The following DGAT1 variants were observed in gnomAD, a reference collection of about 807,000 sequenced individuals.
DGAT1 encodes ACAT related gene product 1.
Under a neutral mutation model 72.6 loss-of-function variants are expected in DGAT1, and 60 were observed. The ratio of observed to expected loss-of-function variants is 0.83; its 90% CI spans 0.67 to 1.02. DGAT1 has a LOEUF of 1.02. DGAT1 is among the 50% of genes least tolerant of loss of function. The probability of loss-of-function intolerance (pLI) is 0.00; values close to 1 mark genes in which losing one functional copy is unlikely to be tolerated. For synonymous variants in DGAT1, 290 were observed against 267.5 expected (o/e 1.08, Z -0.82); for missense variants, 592 against 670.0 (o/e 0.88, Z 1.29).
chr8:144,326,737 C>T lies in DGAT1; in HGVS notation c.-101G>A. The T allele has an allele frequency of 1.0e-6, 1 of 976,238 alleles. No individual in the cohort carries two copies. The highest frequency in any genetic ancestry group is 1.3e-6 in the Non-Finnish European group (1 of 795,606). 60.5% of individuals were successfully genotyped at this position (976,238 alleles called of 1,614,324 possible). On this transcript the variant is annotated 5_prime_UTR_variant, in exon 1 of 17. The change creates a new upstream start codon in the 5' untranslated region. Coordinates refer to ENST00000528718, the MANE Select transcript of DGAT1 (RefSeq NM_012079.6). ...TCCGGGCCCTAGACAACGGCCGCCA[C>T]TGCCCCCTGCCGGCCGCCGTAGCCC...
chr8:144,326,091 T>C (rs1462115945), intron 1 of DGAT1, among the ~76,000 whole-genome samples: 4 of 152,090 alleles, frequency 2.6e-5, no homozygotes, highest in Non-Finnish European at 4.4e-5. Context: ...AGATCTTATC[T>C]GACTCCTTCC....
Position 144,318,687 on chromosome 8 carries a change from G to T in DGAT1, c.468+12C>A, listed in dbSNP as rs1817341708. On this transcript the variant is annotated intron_variant, in intron 5 of 16. Transcript: ENST00000528718. ...AGGGTGAGCACACACGGAGGTGAGG[G>T]GCACTGCTTACCACCGCCAGGCGCT... 1.2e-6 allele frequency: 2 copies of T among 1,608,920 alleles called. No individual in the cohort carries two copies. Among genetic ancestry groups the T allele is most frequent in the East Asian group, 4.5e-5 (2 of 44,710 alleles).
Position 144,318,873 on chromosome 8 carries a change from T to A in DGAT1, c.377A>T (p.Lys126Met), listed in dbSNP as rs1554847758. ...DPIQVVSLFL[K>M]DPYSWPAPCL... ...TGGGGCGGGCCAGCTATAGGGATCCTTCAGGAACAGAGAAACCACCTGGAT... is the reference window on the plus strand; with the variant it reads ...TGGGGCGGGCCAGCTATAGGGATCCATCAGGAACAGAGAAACCACCTGGAT... Residue 126 changes from lysine (K) to methionine (M), a missense_variant, in exon 4 of 17, where the codon AAG becomes ATG. By Grantham distance (95) the Lys-to-Met change is moderately conservative. Transcript: ENST00000528718. The A allele has an allele frequency of 6.2e-7, 1 of 1,612,226 alleles. No individual in the cohort carries two copies. Among genetic ancestry groups the A allele is most frequent in the South Asian group, 1.1e-5 (1 of 90,896 alleles).
At position 144,315,696 on chromosome 8, in the gene DGAT1, C is replaced by T. The variant is rs1271927252; in HGVS notation, c.*858G>A. 1.8e-4 allele frequency: 167 copies of T among 945,932 alleles called. No individual in the cohort carries two copies. The highest frequency in any genetic ancestry group is 2.1e-4 in the Non-Finnish European group (163 of 794,020). 58.6% of individuals were successfully genotyped at this position (945,932 alleles called of 1,614,324 possible). On this transcript the variant is annotated 3_prime_UTR_variant, in exon 17 of 17. Transcript: ENST00000528718. ...GCTGTCTGCACTGCCCAGCCTGGTG[C>T]CAGAAGAGCAGAGGGCAAGGCAGGC...
chr8:144,326,004 C>A lies in DGAT1; in HGVS notation c.200+433G>T, dbSNP rs185454910. Reference sequence around the variant, plus strand: ...TCTGGCCCCCTCCCTGGCAGGCCAGCCCTCCTCTGGGAGCCTTTCCTACCC... The same window carrying A: ...TCTGGCCCCCTCCCTGGCAGGCCAGACCTCCTCTGGGAGCCTTTCCTACCC... On this transcript the variant is annotated intron_variant, in intron 1 of 16. Transcript: ENST00000528718. 5.1e-3 allele frequency among the ~76,000 whole-genome samples: 784 copies of A among 152,276 alleles called. 5 individuals are homozygous for A. The highest frequency in any genetic ancestry group is 0.017 in the African/African-American group (706 of 41,572).
At chr8:144,317,305 C>A in intron 13 of DGAT1, 28 bp downstream of exon 13, 1 of 1,613,016 alleles carries the variant, frequency 6.2e-7, no homozygotes, top group Non-Finnish European at 8.5e-7. Context: ...CCCATCCCAG[C>A]CCCCAGGGAC....
At chr8:144,321,204 C>T in intron 2 of DGAT1, 117 bp downstream of exon 2, 1 of 974,346 alleles carries the variant, frequency 1.0e-6, no homozygotes, top group African/African-American at 1.6e-5. Flanking sequence ...ACACCCCAGC[C>T]CACAGGGGCT....
Position 144,314,606 on chromosome 8 carries a change from T to C in DGAT1, c.*1948A>G, listed in dbSNP as rs897433554. ...AGGTTGTTCATAGTCAGAATTGTATTTTGGATTTTTACACAACTGTCCCGT... is the reference window on the plus strand; with the variant it reads ...AGGTTGTTCATAGTCAGAATTGTATCTTGGATTTTTACACAACTGTCCCGT... On this transcript the variant is annotated 3_prime_UTR_variant, in exon 17 of 17. Transcript: ENST00000528718. 4 of 517,644 alleles carry C rather than the reference T, an allele frequency of 7.7e-6. No individual in the cohort carries two copies. The highest frequency in any genetic ancestry group is 1.4e-5 in the Non-Finnish European group (4 of 286,764). 32.1% of individuals were successfully genotyped at this position (517,644 alleles called of 1,614,324 possible).
chr8:144,321,289 T>C (rs1323948033), intron 2 of DGAT1, 32 bp downstream of exon 2: 1 of 1,607,598 alleles, frequency 6.2e-7, no homozygotes, highest in Admixed American at 1.7e-5. Flanking sequence ...CACCTGGACC[T>C]AGACCCGCTC....
chr8:144,315,846 A>G lies in DGAT1; in HGVS notation c.*708T>C, dbSNP rs1817190417. ...GAGCCCTGCCCCAAGGCGAATAGCC[A>G]TGGACATAGCCATTGTGTACCGTAG... On this transcript the variant is annotated 3_prime_UTR_variant, in exon 17 of 17. Coordinates refer to ENST00000528718, the MANE Select transcript of DGAT1 (RefSeq NM_012079.6). 1.0e-6 allele frequency: 1 copy of G among 984,986 alleles called. No homozygotes were observed. Among genetic ancestry groups the G allele is most frequent in the Non-Finnish European group, 1.2e-6 (1 of 829,574 alleles). 61.0% of individuals were successfully genotyped at this position (984,986 alleles called of 1,614,324 possible).
chr8:144,321,519 CCTT>C, intron 1 of DGAT1, 111 bp from the exon 2 acceptor site: 3 of 957,610 alleles, frequency 3.1e-6, no homozygotes, highest in Non-Finnish European at 5.0e-6. Context: ...AGGCCCCACT[CCTT>C]ATTTACAACC....
In DGAT1 at chr8:144,317,680, C is replaced by T; in HGVS notation, c.927G>A (p.Lys309=). 4 of 1,613,786 alleles carry T rather than the reference C, an allele frequency of 2.5e-6. No homozygotes were observed. Among genetic ancestry groups the T allele is most frequent in the Non-Finnish European group, 3.4e-6 (4 of 1,180,000 alleles). ...CACCTGAGCCACTCACCTTGAAGGG[C>T]TTCATGGAGTTCTGGATGGTGGGGA... The part of the protein sequence containing the change: ...WMVPTIQNSM[K]PFKDMDYSRI... Residue 309 remains lysine, a synonymous_variant, in exon 11 of 17, where the codon AAG becomes AAA. Coordinates refer to ENST00000528718, the MANE Select transcript of DGAT1 (RefSeq NM_012079.6).
chr8:144,322,071 G>A (rs1554848216), intron 1 of DGAT1, among the ~76,000 whole-genome samples: 1 of 152,204 alleles, frequency 6.6e-6, no homozygotes. Flanking sequence ...GGGGCTAGGT[G>A]CCTGCTGGCT....
Position 144,316,147 on chromosome 8 carries a change from C to G in DGAT1, c.*407G>C. ...GCGTCTGCCTGGCCTTGCACTCCCC[C>G]TACCGGCCATGCCCGCCCTGCTGCA... is the stretch of plus-strand genomic sequence containing the variant. On this transcript the variant is annotated 3_prime_UTR_variant, in exon 17 of 17. Coordinates refer to ENST00000528718, the MANE Select transcript of DGAT1 (RefSeq NM_012079.6). The G allele has an allele frequency of 4.8e-6, 1 of 208,348 alleles. No individual in the cohort carries two copies. Among genetic ancestry groups the G allele is most frequent in the Non-Finnish European group, 9.5e-6 (1 of 105,046 alleles). The allele number at this position is 208,348 out of a possible 1,614,324, so 12.9% of individuals were successfully genotyped here. A position where few individuals can be genotyped will look rare whatever the true frequency, so the allele number is the denominator to read the frequency against.
chr8:144,325,667 TTC>T, intron 1 of DGAT1, among the ~76,000 whole-genome samples: 1 of 152,096 alleles, frequency 6.6e-6, no homozygotes, highest in East Asian at 1.9e-4. Context: ...TCGGCCATGG[TTC>T]TCTCCCTCCA....
intron 1 of DGAT1, among the ~76,000 whole-genome samples, chr8:144,322,003 T>C (rs1464016605): frequency 6.6e-6 from 1 of 152,200 alleles, no homozygotes; most frequent in Non-Finnish European, 1.5e-5. Flanking sequence ...TGTGCCGGTG[T>C]AGCCTCCACT....
intron 1 of DGAT1, among the ~76,000 whole-genome samples, chr8:144,325,682 CCTCT>C (rs1215698551): frequency 5.9e-5 from 9 of 152,286 alleles, no homozygotes; most frequent in African/African-American, 1.4e-4. Context: ...TCCCTCCACC[CCTCT>C]CTGTCAGTCA....
In DGAT1 at chr8:144,321,339, G is replaced by A; in HGVS notation, c.270C>T (p.Asn90=). ...CACTCACCAGCATCACCACACACCA[G>A]TTCAGGATGCCACGGTAGTTGCTGA... ...SGFSNYRGIL[N]WCVVMLILSN... is the part of the protein sequence containing the mutation. The change falls in exon 2 of 17, where the codon AAC becomes AAT. Residue 90 remains asparagine (N), a synonymous_variant. Transcript: ENST00000528718. The A allele has an allele frequency of 1.2e-6, 2 of 1,613,952 alleles. No homozygotes were observed. The highest frequency in any genetic ancestry group is 1.7e-6 in the Non-Finnish European group (2 of 1,179,942).
In DGAT1 at chr8:144,316,496, G is replaced by C; in HGVS notation, c.*58C>G. Reference sequence around the variant, plus strand: ...CCAGCACTCGAGGCCTAGGAGGAGAGGTGGGCTCTGGCAGCGGGTGTGAGG... The same window carrying C: ...CCAGCACTCGAGGCCTAGGAGGAGACGTGGGCTCTGGCAGCGGGTGTGAGG... On this transcript the variant is annotated 3_prime_UTR_variant, in exon 17 of 17. Coordinates refer to ENST00000528718, the MANE Select transcript of DGAT1 (RefSeq NM_012079.6). The C allele has an allele frequency of 6.6e-7, 1 of 1,519,662 alleles. No individual in the cohort carries two copies. The highest frequency in any genetic ancestry group is 8.8e-7 in the Non-Finnish European group (1 of 1,130,634). The allele number at this position is 1,519,662 out of a possible 1,614,324, so 94.1% of individuals were successfully genotyped here. A position where few individuals can be genotyped will look rare whatever the true frequency, so the allele number is the denominator to read the frequency against.
Sources: gnomAD v4.1 joint callset for allele counts (sites outside exome capture counted in the v4.1 genomes callset) on GRCh38, gnomAD v4.1.1 for gene constraint, MANE v1.5 for transcripts, NCBI Gene and HGNC (gene_info 2026-07-23, HGNC 2026-07-21) for gene names.